SCLT1: variants seen among roughly 807,000 people sequenced by gnomAD.
The protein encoded by SCLT1 is sodium channel and clathrin linker 1.
A neutral mutation model predicts 112.8 loss-of-function variants in SCLT1; 78 were observed. That is an observed-to-expected ratio of 0.69 (90% confidence interval 0.58 to 0.83). The LOEUF (loss-of-function observed/expected upper bound fraction) is 0.83, where lower values mean the gene tolerates loss of function less well. Among genes scored for constraint, SCLT1 ranks in the 40% least tolerant of loss-of-function variants. SCLT1 has a pLI of 0.00. For synonymous variants in SCLT1, 257 were observed against 254.7 expected (o/e 1.01, Z -0.09); for missense variants, 747 against 770.4 (o/e 0.97, Z 0.36).
intron 5 of SCLT1, among the ~76,000 whole-genome samples, chr4:129,035,283 G>A (rs1485706110): frequency 6.6e-6 from 1 of 152,076 alleles, no homozygotes; most frequent in East Asian, 1.9e-4. Flanking sequence ...AAATGACAAG[G>A]AGCAGGAAAA....
intron 6 of SCLT1, 145 bp downstream of exon 6, chr4:129,003,596 T>G: frequency 1.6e-6 from 1 of 619,458 alleles, no homozygotes; most frequent in Non-Finnish European, 2.6e-6. Context: ...TTACAAGTGT[T>G]GCTACCTGTA....
intron 18 of SCLT1, among the ~76,000 whole-genome samples, chr4:128,912,349 A>G (rs1173000772): frequency 2.0e-5 from 3 of 152,150 alleles, no homozygotes; most frequent in African/African-American, 7.2e-5. Context: ...GATGCTCAAT[A>G]TGGATGCTAT....
At chr4:128,917,938 T>C (rs1352535231) in intron 18 of SCLT1, among the ~76,000 whole-genome samples, 1 of 152,104 alleles carries the variant, frequency 6.6e-6, no homozygotes, top group Non-Finnish European at 1.5e-5. Flanking sequence ...TCTGAAAGCA[T>C]GCCACTTCTC....
At chr4:129,029,072 G>T (rs1448908597) in intron 5 of SCLT1, among the ~76,000 whole-genome samples, 1 of 152,170 alleles carries the variant, frequency 6.6e-6, no homozygotes, top group Non-Finnish European at 1.5e-5. Context: ...CTTTTACACT[G>T]TTGGTGGGAC....
At chr4:128,960,890 G>A (rs1389480839) in intron 11 of SCLT1, among the ~76,000 whole-genome samples, 1 of 121,272 alleles carries the variant, frequency 8.2e-6, no homozygotes, top group Non-Finnish European at 1.6e-5. Context: ...ACTGCAGTCC[G>A]CAGTCCGGCC....
chr4:128,966,529 T>C (rs1740210143), intron 10 of SCLT1, among the ~76,000 whole-genome samples: 1 of 152,248 alleles, frequency 6.6e-6, no homozygotes, highest in Admixed American at 6.5e-5. Flanking sequence ...AGTTCTGCTA[T>C]AAGCAGCCAT....
In SCLT1 at chr4:129,000,854, G is replaced by A. The variant is rs72924124; in HGVS notation, c.427-1060C>T. Among the ~76,000 whole-genome samples the A allele has an allele frequency of 4.8e-3, 728 of 151,850 alleles. 4 individuals carry two copies. Among genetic ancestry groups the A allele is most frequent in the African/African-American group, 0.016 (660 of 41,414 alleles). ...CATTACCATCACCTAGAAGCTGGAC[G>A]ACCCTCTTGTGATCTCTTCCAGTTA... On this transcript the variant is annotated intron_variant, in intron 6 of 20. Coordinates refer to ENST00000281142, the MANE Select transcript of SCLT1 (RefSeq NM_144643.4).
chr4:129,028,175 A>G (rs1240495988), intron 5 of SCLT1, among the ~76,000 whole-genome samples: 3 of 152,138 alleles, frequency 2.0e-5, no homozygotes, highest in East Asian at 1.9e-4. Flanking sequence ...GGAAAAAACT[A>G]CTTGAAATTT....
At chr4:129,035,752 A>G (rs1747125121) in intron 5 of SCLT1, among the ~76,000 whole-genome samples, 1 of 152,136 alleles carries the variant, frequency 6.6e-6, no homozygotes, top group South Asian at 2.1e-4. Context: ...AGAAAGAAAC[A>G]AGACAAAACA....
intron 3 of SCLT1, among the ~76,000 whole-genome samples, chr4:128,878,015 CTG>C (rs1267466371): frequency 6.6e-6 from 1 of 152,094 alleles, no homozygotes; most frequent in Non-Finnish European, 1.5e-5. Flanking sequence ...AAAAGAATAA[CTG>C]AACTCTACAT....
chr4:128,969,203 G>C (rs1740462460), intron 10 of SCLT1, among the ~76,000 whole-genome samples: 1 of 152,066 alleles, frequency 6.6e-6, no homozygotes, highest in Admixed American at 6.5e-5. Context: ...GCATGAATTT[G>C]GTAAGAATTT....
At chr4:128,963,254 A>T (rs1313811152) in intron 11 of SCLT1, among the ~76,000 whole-genome samples, 1 of 152,172 alleles carries the variant, frequency 6.6e-6, no homozygotes, top group Non-Finnish European at 1.5e-5. Context: ...CTTATTTTTT[A>T]AAAACCCTAT....
intron 2 of SCLT1, among the ~76,000 whole-genome samples, chr4:129,070,457 G>A (rs1208982499): frequency 2.0e-5 from 3 of 151,836 alleles, no homozygotes; most frequent in Non-Finnish European, 4.4e-5. Context: ...ATCTGTTCAG[G>A]TAATCTAATT....
intron 20 of SCLT1, among the ~76,000 whole-genome samples, chr4:128,885,646 T>G (rs942431703): frequency 1.3e-5 from 2 of 152,188 alleles, no homozygotes; most frequent in African/African-American, 4.8e-5. Flanking sequence ...TATTTTTATA[T>G]GTTTGCTTCC....
At chr4:128,919,247 A>G (rs1735698769) in intron 18 of SCLT1, among the ~76,000 whole-genome samples, 1 of 152,206 alleles carries the variant, frequency 6.6e-6, no homozygotes, top group Admixed American at 6.5e-5. Flanking sequence ...TGCAATAAAA[A>G]TAAAAATCAA....
chr4:128,934,593 A>T (rs1226215921), intron 18 of SCLT1, among the ~76,000 whole-genome samples: 1 of 151,870 alleles, frequency 6.6e-6, no homozygotes, highest in African/African-American at 2.4e-5. Context: ...ATTTGTTGCT[A>T]GGTATTTGAT....
In SCLT1 at chr4:129,035,679, T is replaced by C. The variant is rs187993657; in HGVS notation, c.290+3362A>G. Among the ~76,000 whole-genome samples, 10 of 152,272 alleles carry C rather than the reference T, an allele frequency of 6.6e-5. No individual in the cohort carries two copies. In the East Asian group the frequency reaches 1.7e-3, roughly 26 times the overall value. On this transcript the variant is annotated intron_variant, in intron 5 of 20. Transcript: ENST00000281142. ...TGCTGTACATGTATTCATTCATTTA[T>C]TCAATTATCTTACTCAATTTCCTTC...
intron 18 of SCLT1, among the ~76,000 whole-genome samples, chr4:128,914,983 G>A (rs1735367350): frequency 6.6e-6 from 1 of 151,702 alleles, no homozygotes; most frequent in Admixed American, 6.6e-5. Context: ...GCTCATAAAG[G>A]GGCACGGCAT....
At chr4:129,045,765 A>G (rs994285098) in intron 2 of SCLT1, among the ~76,000 whole-genome samples, 1 of 152,048 alleles carries the variant, frequency 6.6e-6, no homozygotes, top group Non-Finnish European at 1.5e-5. Context: ...TTAAAAATAT[A>G]ACTCAAAGAA....
Sources: allele counts gnomAD v4.1 joint callset (sites outside exome capture counted in the v4.1 genomes callset), GRCh38; gene constraint gnomAD v4.1.1; transcripts MANE v1.5; gene names NCBI Gene and HGNC (gene_info 2026-07-23, HGNC 2026-07-21).